The following SCRG1 variants were observed in gnomAD, a reference collection of about 807,000 sequenced individuals.
SCRG1 encodes the protein scrapie-responsive protein 1.
A neutral mutation model predicts 7.7 loss-of-function variants in SCRG1; 3 were observed. The ratio of observed to expected loss-of-function variants is 0.39; its 90% confidence interval spans 0.18 to 1.01. SCRG1 has a LOEUF of 1.01. Ranked by LOEUF, SCRG1 falls within the 50% of genes least tolerant of loss-of-function variation. The pLI is 0.36. For synonymous variants in SCRG1, 46 were observed against 41.2 expected (o/e 1.12, Z -0.44); for missense variants, 110 against 117.2 (o/e 0.94, Z 0.28).
the SCRG1 span, among the ~76,000 whole-genome samples, chr4:173,471,787 G>A: frequency 0.33 from 49,948 of 151,976 alleles, 8,605 homozygotes; most frequent in South Asian, 0.47. Flanking sequence ...TCAGCTCACC[G>A]CAACCTCCGC....
At chr4:173,391,618 AT>A (rs1442945472) in intron 1 of SCRG1, among the ~76,000 whole-genome samples, 190 bp from the exon 2 acceptor site, 1 of 152,234 alleles carries the variant, frequency 6.6e-6, no homozygotes, top group African/African-American at 2.4e-5. Context: ...CATTTGGAAT[AT>A]TTGTTAAAAA....
At chr4:173,392,862 C>T (rs139153721) in intron 1 of SCRG1, among the ~76,000 whole-genome samples, 107 of 152,166 alleles carry the variant, frequency 7.0e-4, no homozygotes, top group African/African-American at 2.2e-3. Flanking sequence ...AGGCCAAACC[C>T]GGCAGATCAC....
the SCRG1 span, among the ~76,000 whole-genome samples, chr4:173,483,074 TTA>T: frequency 4.7e-4 from 57 of 121,928 alleles, no homozygotes; most frequent in Non-Finnish European, 7.9e-4. Flanking sequence ...CATGTATATT[TTA>T]TATATATTAT....
chr4:173,484,028 A>T, the SCRG1 span, among the ~76,000 whole-genome samples: 1 of 70,596 alleles, frequency 1.4e-5, no homozygotes, highest in Non-Finnish European at 2.4e-5. Context: ...ATATTATAAT[A>T]TACATATATA....
the SCRG1 span, among the ~76,000 whole-genome samples, chr4:173,412,376 C>A: frequency 6.6e-6 from 1 of 152,320 alleles, no homozygotes; most frequent in Middle Eastern, 3.4e-3. Flanking sequence ...ATGCTGTTTT[C>A]TTCTATCTCA....
At chr4:173,444,745 C>G in the SCRG1 span, among the ~76,000 whole-genome samples, 1 of 152,280 alleles carries the variant, frequency 6.6e-6, no homozygotes, top group African/African-American at 2.4e-5. Flanking sequence ...TAGAGCCTCT[C>G]CCTTGTTTTT....
At chr4:173,510,113 G>A in the SCRG1 span, among the ~76,000 whole-genome samples, 1 of 152,122 alleles carries the variant, frequency 6.6e-6, no homozygotes, top group African/African-American at 2.4e-5. This position sits in a 1 kb window ranked among gnomAD's most constrained non-coding sequence, Gnocchi z 5.7. Context: ...AATCCTAATG[G>A]CGTTTCAGGG....
At chr4:173,444,254 A>C in the SCRG1 span, among the ~76,000 whole-genome samples, 2 of 152,166 alleles carry the variant, frequency 1.3e-5, no homozygotes, top group Non-Finnish European at 2.9e-5. Context: ...GATTACAGGC[A>C]TGAGCCTCTG....
the SCRG1 span, among the ~76,000 whole-genome samples, chr4:173,441,356 A>C: frequency 6.6e-6 from 1 of 152,170 alleles, no homozygotes; most frequent in Non-Finnish European, 1.5e-5. Flanking sequence ...GCTCTAATCC[A>C]GGCGATCCTA....
chr4:173,460,049 G>T, the SCRG1 span, among the ~76,000 whole-genome samples: 1 of 152,020 alleles, frequency 6.6e-6, no homozygotes, highest in Admixed American at 6.6e-5. Flanking sequence ...TCCCGTCCCC[G>T]CTGCCCCGCC....
At chr4:173,505,996 G>A in the SCRG1 span, among the ~76,000 whole-genome samples, 1 of 152,208 alleles carries the variant, frequency 6.6e-6, no homozygotes, top group Non-Finnish European at 1.5e-5. The surrounding 1 kb of genome is among the most constrained non-coding windows in gnomAD (Gnocchi z 4.4). Flanking sequence ...AGGTTTCCCC[G>A]TGCTTCTAAG....
At chr4:173,431,090 C>G in the SCRG1 span, among the ~76,000 whole-genome samples, 101 of 152,254 alleles carry the variant, frequency 6.6e-4, no homozygotes, top group African/African-American at 2.2e-3. Flanking sequence ...CACCATGTGA[C>G]AAACTTGCAC....
the SCRG1 span, among the ~76,000 whole-genome samples, chr4:173,443,524 T>A: frequency 6.6e-6 from 1 of 152,212 alleles, no homozygotes; most frequent in Non-Finnish European, 1.5e-5. Context: ...TATAGGTGTC[T>A]CATGAAACAT....
At chr4:173,488,052 A>G in the SCRG1 span, among the ~76,000 whole-genome samples, 13 of 152,020 alleles carry the variant, frequency 8.6e-5, no homozygotes, top group Non-Finnish European at 1.5e-4. Context: ...GTAAGCCGAG[A>G]TTACACCATT....
At chr4:173,484,094 C>CATATATAATATATA in the SCRG1 span, among the ~76,000 whole-genome samples, 1,050 of 42,670 alleles carry the variant, frequency 0.025, 15 homozygotes, top group Non-Finnish European at 0.037. Context: ...TATAATATAC[C>CATATATAATATATA]ATATATAATA....
chr4:173,503,834 C>A, the SCRG1 span, among the ~76,000 whole-genome samples: 2 of 152,152 alleles, frequency 1.3e-5, no homozygotes, highest in Non-Finnish European at 2.9e-5. The surrounding 1 kb of genome is among the most constrained non-coding windows in gnomAD (Gnocchi z 6.4). Context: ...GCCCAAACTC[C>A]CAACAGCTTT....
chr4:173,426,417 T>A, the SCRG1 span, among the ~76,000 whole-genome samples: 1 of 152,206 alleles, frequency 6.6e-6, no homozygotes, highest in Non-Finnish European at 1.5e-5. Flanking sequence ...ACTCCAGGTG[T>A]AAGTAGATGC....
chr4:173,498,907 G>A, the SCRG1 span, among the ~76,000 whole-genome samples: 1 of 152,128 alleles, frequency 6.6e-6, no homozygotes, highest in African/African-American at 2.4e-5. Flanking sequence ...TTGCACACAG[G>A]TCTCTGTGTA....
the SCRG1 span, among the ~76,000 whole-genome samples, chr4:173,498,585 T>G: frequency 1.3e-3 from 194 of 152,344 alleles, 4 homozygotes; most frequent in East Asian, 0.035. Context: ...AGGGTTCCAG[T>G]GTTGGCTTTG....
Sources: gnomAD v4.1 joint callset for allele counts (sites outside exome capture counted in the v4.1 genomes callset) on GRCh38, gnomAD v4.1.1 for gene constraint, Gnocchi (gnomAD v3.1) non-coding constraint, MANE v1.5 for transcripts, NCBI Gene and HGNC (gene_info 2026-07-23, HGNC 2026-07-21) for gene names.